Variants in NPAS3 observed in about 807,000 individuals in gnomAD.
The protein encoded by NPAS3 is neuronal PAS domain protein 3.
A neutral mutation model predicts 73.1 loss-of-function variants in NPAS3; 14 were observed. The observed-to-expected ratio is 0.19, with a 90% CI of 0.13 to 0.30. The LOEUF is 0.30. Ranked by LOEUF, NPAS3 falls within the 10% of genes least tolerant of loss-of-function variation. The pLI is 1.00. For synonymous variants in NPAS3, 620 were observed against 541.5 expected (o/e 1.14, Z -2.01); for missense variants, 1,096 against 1,250.0 (o/e 0.88, Z 1.86).
intron 6 of NPAS3, among the ~76,000 whole-genome samples, chr14:33,706,446 G>A (rs1017587043): frequency 2.2e-4 from 34 of 152,160 alleles, no homozygotes; most frequent in African/African-American, 8.0e-4. Context: ...AGTTTGGACC[G>A]AGGCCTAGCT....
rs1233572564 is a variant in NPAS3, at chr14:32,946,348, G to GCGCA, written c.50+6983_50+6984insGCAC. Among the ~76,000 whole-genome samples the GCGCA allele has an allele frequency of 4.5e-3, 625 of 139,398 alleles. 1 individual carries two copies. The highest frequency in any genetic ancestry group is 0.02 in the East Asian group (97 of 4,814). The allele number at this position is 139,398 out of a possible 152,430, so 91.5% of individuals were successfully genotyped here. A position where few individuals can be genotyped will look rare whatever the true frequency, so the allele number is the denominator to read the frequency against. On this transcript the variant is annotated intron_variant, in intron 1 of 11. Coordinates refer to ENST00000356141, the Ensembl canonical transcript of NPAS3. ...CCATCCCCCCAACACACACACACGC[G>GCGCA]CACACACACACACACACACACACAC... is the stretch of plus-strand genomic sequence containing the variant.
intron 2 of NPAS3, among the ~76,000 whole-genome samples, chr14:33,184,936 T>C (rs2045929642): frequency 6.6e-6 from 1 of 152,180 alleles, no homozygotes; most frequent in Admixed American, 6.5e-5. Flanking sequence ...TATCTGCCTA[T>C]CTTCTTTTTT....
chr14:33,135,778 C>T (rs1318912125), intron 2 of NPAS3, among the ~76,000 whole-genome samples: 3 of 151,988 alleles, frequency 2.0e-5, no homozygotes, highest in Non-Finnish European at 4.4e-5. Flanking sequence ...TGGAGTGGGT[C>T]GGGGTAAATA....
At chr14:33,314,333 C>A (rs929947832) in intron 3 of NPAS3, among the ~76,000 whole-genome samples, 1 of 151,942 alleles carries the variant, frequency 6.6e-6, no homozygotes, top group African/African-American at 2.4e-5. Flanking sequence ...TCACATAGAA[C>A]AGTTAAAACA....
intron 4 of NPAS3, among the ~76,000 whole-genome samples, chr14:33,513,985 A>C (rs2053183253): frequency 6.6e-6 from 1 of 152,032 alleles, no homozygotes; most frequent in Admixed American, 6.6e-5. Context: ...GTAATTGTTT[A>C]ATAATTCTTC....
intron 6 of NPAS3, among the ~76,000 whole-genome samples, chr14:33,706,064 T>G (rs1425692895): frequency 3.3e-5 from 5 of 152,228 alleles, no homozygotes; most frequent in Non-Finnish European, 1.5e-5. Context: ...CACAACCCTT[T>G]TCATTCAAGT....
chr14:33,634,539 G>T (rs2058462927), intron 5 of NPAS3, among the ~76,000 whole-genome samples: 2 of 152,180 alleles, frequency 1.3e-5, no homozygotes, highest in Non-Finnish European at 2.9e-5. Flanking sequence ...CGGGCAGGGG[G>T]TGCCCAGATG....
chr14:33,236,435 G>T (rs1346336126), intron 3 of NPAS3, among the ~76,000 whole-genome samples: 1 of 152,108 alleles, frequency 6.6e-6, no homozygotes, highest in African/African-American at 2.4e-5. Context: ...TGACATGTGT[G>T]CATGGAGCTT....
chr14:33,427,357 G>A (rs1033179194), intron 4 of NPAS3, among the ~76,000 whole-genome samples: 4 of 151,912 alleles, frequency 2.6e-5, no homozygotes, highest in African/African-American at 9.7e-5. Flanking sequence ...CAAACCAGTA[G>A]TAATCATATT....
chr14:33,042,181 C>T (rs1379158179), intron 1 of NPAS3, among the ~76,000 whole-genome samples: 2 of 152,036 alleles, frequency 1.3e-5, no homozygotes, highest in Non-Finnish European at 2.9e-5. Context: ...TTTTGACTTC[C>T]CATTATTCCT....
chr14:33,202,765 G>A (rs913706893), intron 2 of NPAS3, among the ~76,000 whole-genome samples: 1 of 149,364 alleles, frequency 6.7e-6, no homozygotes, highest in African/African-American at 2.5e-5. Flanking sequence ...GATTATTTCA[G>A]TTGGTTCTGA....
intron 4 of NPAS3, among the ~76,000 whole-genome samples, chr14:33,548,670 A>G (rs978794799): frequency 6.6e-6 from 1 of 152,210 alleles, no homozygotes; most frequent in Non-Finnish European, 1.5e-5. Flanking sequence ...CTCTGTAGCA[A>G]AAGTAGATTG....
chr14:33,427,781 T>C (rs1357657803), intron 4 of NPAS3, among the ~76,000 whole-genome samples: 1 of 152,126 alleles, frequency 6.6e-6, no homozygotes, highest in Non-Finnish European at 1.5e-5. Flanking sequence ...GGTGCTCCAA[T>C]AATATTTGTT....
intron 5 of NPAS3, among the ~76,000 whole-genome samples, chr14:33,640,240 T>G (rs2058641377): frequency 6.6e-6 from 1 of 152,080 alleles, no homozygotes; most frequent in East Asian, 1.9e-4. Context: ...GTGACTCTTG[T>G]TTGATGCCCT....
chr14:33,442,207 G>T (rs2049281482), intron 4 of NPAS3, among the ~76,000 whole-genome samples: 2 of 152,078 alleles, frequency 1.3e-5, no homozygotes, highest in Admixed American at 1.3e-4. Flanking sequence ...AATGATACTA[G>T]CTATTTAGCA....
At position 33,622,028 on chromosome 14, in the gene NPAS3, G is replaced by A. The variant is rs17101633; in HGVS notation, c.559-54183G>A. ...GTAAATTTTAATGACTCTGAAAGGCGCAATGAATGACCAGTATCCAGCAGC... is the reference window on the plus strand; with the variant it reads ...GTAAATTTTAATGACTCTGAAAGGCACAATGAATGACCAGTATCCAGCAGC... On this transcript the variant is annotated intron_variant, in intron 5 of 11. Transcript: ENST00000356141. Among the ~76,000 whole-genome samples, 1,373 of 152,232 alleles carry A rather than the reference G, an allele frequency of 9.0e-3. 21 individuals carry two copies. Among genetic ancestry groups the A allele is most frequent in the African/African-American group, 0.031 (1,276 of 41,546 alleles).
At chr14:33,675,798 TCTATAGCTGTTC>T (rs1484957869) in intron 5 of NPAS3, among the ~76,000 whole-genome samples, 1 of 152,220 alleles carries the variant, frequency 6.6e-6, no homozygotes, top group Non-Finnish European at 1.5e-5. Flanking sequence ...TCTGGCTGTT[TCTATAGCTGTTC>T]CTATCCAAAA....
intron 2 of NPAS3, among the ~76,000 whole-genome samples, chr14:33,085,002 T>C (rs533891145): frequency 1.3e-5 from 2 of 152,318 alleles, no homozygotes; most frequent in Admixed American, 1.3e-4. Context: ...TTTGACCTCA[T>C]CTGGAGAAGT....
intron 7 of NPAS3, among the ~76,000 whole-genome samples, chr14:33,763,145 T>C (rs1283392015): frequency 6.6e-6 from 1 of 152,188 alleles, no homozygotes; most frequent in Non-Finnish European, 1.5e-5. Flanking sequence ...CCGAGTGGTC[T>C]CCATGGCCCC....
Sources: gnomAD v4.1 joint callset for allele counts (sites outside exome capture counted in the v4.1 genomes callset) on GRCh38, gnomAD v4.1.1 for gene constraint, MANE v1.5 for transcripts, NCBI Gene and HGNC (gene_info 2026-07-23, HGNC 2026-07-21) for gene names.